Variants in GAB1 observed in about 807,000 individuals in gnomAD.
GAB1 encodes the protein GRB2-associated-binding protein 1.
GAB1 carries 19 observed loss-of-function variants against 66.5 expected under a neutral mutation model. The ratio of observed to expected loss-of-function variants is 0.29; its 90% CI spans 0.20 to 0.42. The LOEUF (loss-of-function observed/expected upper bound fraction) is 0.42. Among genes scored for constraint, GAB1 ranks in the 10% least tolerant of loss-of-function variants. The pLI, the probability that GAB1 is intolerant of heterozygous loss-of-function variation, is 1.00. For missense variants in GAB1, 732 were observed against 858.5 expected (o/e 0.85, Z 1.84); for synonymous variants, 294 against 301.4 (o/e 0.98, Z 0.25).
chr4:143,367,293 T>G (rs141034023), intron 1 of GAB1, among the ~76,000 whole-genome samples: 1 of 152,306 alleles, frequency 6.6e-6, no homozygotes, highest in East Asian at 1.9e-4. Flanking sequence ...TAGTTGGAAC[T>G]CAATAAATGC....
intron 2 of GAB1, among the ~76,000 whole-genome samples, chr4:143,423,793 TATATATA>T (rs2149730732): frequency 2.7e-4 from 1 of 3,742 alleles, no homozygotes; most frequent in South Asian, 7.8e-3. Context: ...AAAAAAAGTG[TATATATA>T]TATATATATA....
chr4:143,388,084 C>A (rs1312745779), intron 1 of GAB1, among the ~76,000 whole-genome samples: 1 of 152,138 alleles, frequency 6.6e-6, no homozygotes, highest in Non-Finnish European at 1.5e-5. Context: ...CAGCCCCTAC[C>A]CCCTTCCCTT....
chr4:143,373,736 C>G (rs191633035), intron 1 of GAB1, among the ~76,000 whole-genome samples: 58 of 150,640 alleles, frequency 3.9e-4, no homozygotes, highest in African/African-American at 1.4e-3. Context: ...GACTGAGGCA[C>G]AAGAATTGCT....
chr4:143,394,691 G>T (rs898386272), intron 1 of GAB1: 2 of 151,924 alleles, frequency 1.3e-5, no homozygotes. Flanking sequence ...TCTTTATTCT[G>T]CTTGTTCTTT....
At chr4:143,426,648 T>C (rs1319248159) in intron 2 of GAB1, among the ~76,000 whole-genome samples, 3 of 152,244 alleles carry the variant, frequency 2.0e-5, no homozygotes, top group Non-Finnish European at 4.4e-5. Context: ...GCACAATGCA[T>C]AGGAGTTCTG....
chr4:143,407,671 T>A (rs1266581229), intron 1 of GAB1, among the ~76,000 whole-genome samples: 1 of 152,116 alleles, frequency 6.6e-6, no homozygotes, highest in African/African-American at 2.4e-5. Context: ...CTTCTGTGTG[T>A]TTGGAACAGA....
intron 1 of GAB1, among the ~76,000 whole-genome samples, chr4:143,371,448 T>A (rs1382122357): frequency 2.0e-5 from 3 of 152,184 alleles, no homozygotes; most frequent in East Asian, 1.9e-4. Context: ...TCTGGATATT[T>A]GCCCTTTGTC....
chr4:143,423,177 A>G (rs1295577398), intron 2 of GAB1, among the ~76,000 whole-genome samples: 3 of 152,260 alleles, frequency 2.0e-5, no homozygotes, highest in Non-Finnish European at 4.4e-5. Flanking sequence ...AGCTGAGTAC[A>G]TAGTCAAATT....
At chr4:143,374,597 G>A (rs1730333819) in intron 1 of GAB1, among the ~76,000 whole-genome samples, 1 of 152,196 alleles carries the variant, frequency 6.6e-6, no homozygotes, top group Non-Finnish European at 1.5e-5. Context: ...GACTAAAAAA[G>A]TAGTAGTCAT....
chr4:143,360,581 A>C (rs1729623599), intron 1 of GAB1, among the ~76,000 whole-genome samples: 1 of 152,192 alleles, frequency 6.6e-6, no homozygotes, highest in Non-Finnish European at 1.5e-5. Flanking sequence ...TGGCAAAACA[A>C]ACTCTTTTTC....
At chr4:143,458,423 C>T (rs1446136009) in intron 6 of GAB1, among the ~76,000 whole-genome samples, 1 of 151,902 alleles carries the variant, frequency 6.6e-6, no homozygotes, top group Non-Finnish European at 1.5e-5. Flanking sequence ...CCATAACATA[C>T]ATGGACAAAG....
chr4:143,350,657 A>C (rs1729166039), intron 1 of GAB1, among the ~76,000 whole-genome samples: 1 of 147,114 alleles, frequency 6.8e-6, no homozygotes. Context: ...CAGCCTGGGC[A>C]ACAAGCGTGA....
chr4:143,395,938 T>A lies in GAB1; in HGVS notation c.73-19539T>A, dbSNP rs530763295. The A allele has an allele frequency of 1.8e-3, 820 of 455,770 alleles. 11 individuals are homozygous for A. The highest frequency in any genetic ancestry group is 0.012 in the South Asian group (766 of 64,536). 28.2% of individuals were successfully genotyped at this position (455,770 alleles called of 1,614,324 possible). ...AGGAAATTGCAGGATGAAATTTGTG[T>A]GCCAGTCTTGTCAGCACCCATTCCT... is the stretch of plus-strand genomic sequence containing the variant. On this transcript the variant is annotated intron_variant, in intron 1 of 9. Transcript: ENST00000262994.
At chr4:143,355,871 T>A (rs1158111089) in intron 1 of GAB1, among the ~76,000 whole-genome samples, 22 of 152,158 alleles carry the variant, frequency 1.4e-4, no homozygotes, top group Non-Finnish European at 1.5e-5. Flanking sequence ...ATTTTTTAAG[T>A]TTATGATACT....
At chr4:143,460,186 A>G (rs1249129990) in intron 7 of GAB1, among the ~76,000 whole-genome samples, 178 bp from the exon 8 acceptor site, 2 of 152,180 alleles carry the variant, frequency 1.3e-5, no homozygotes, top group Non-Finnish European at 2.9e-5. Flanking sequence ...TACAATTATA[A>G]ATATTAGTTA....
At chr4:143,337,937 G>T (rs371715002) in intron 1 of GAB1, among the ~76,000 whole-genome samples, 2 of 151,896 alleles carry the variant, frequency 1.3e-5, no homozygotes, top group African/African-American at 2.4e-5. Context: ...GGAGGGCGCT[G>T]GGGGGGAGCC....
At chr4:143,425,697 G>A (rs2149734702) in intron 2 of GAB1, 1 of 759,564 alleles carries the variant, frequency 1.3e-6, no homozygotes, top group African/African-American at 1.7e-5. Context: ...GGCTGCTACT[G>A]AAAAGGCAGT....
chr4:143,365,002 C>T (rs1467587643), intron 1 of GAB1, among the ~76,000 whole-genome samples: 1 of 151,238 alleles, frequency 6.6e-6, no homozygotes, highest in African/African-American at 2.4e-5. Context: ...CTCAGCCTCC[C>T]GAGTAGCTGG....
chr4:143,377,610 A>G (rs564548289), intron 1 of GAB1, among the ~76,000 whole-genome samples: 1 of 152,324 alleles, frequency 6.6e-6, no homozygotes, highest in Non-Finnish European at 1.5e-5. Flanking sequence ...TTATCTAAAA[A>G]ATGGATTCTA....
Sources: allele counts gnomAD v4.1 joint callset (sites outside exome capture counted in the v4.1 genomes callset), GRCh38; gene constraint gnomAD v4.1.1; transcripts MANE v1.5; gene names NCBI Gene and HGNC (gene_info 2026-07-23, HGNC 2026-07-21).